SOX5: variants seen among roughly 807,000 people sequenced by gnomAD.
SOX5 encodes transcription factor SOX-5.
A neutral mutation model predicts 92.0 loss-of-function variants in SOX5; 9 were observed. The ratio of observed to expected loss-of-function variants is 0.10; its 90% CI spans 0.06 to 0.17. SOX5 has a LOEUF of 0.17. SOX5 is among the 10% of genes least tolerant of loss of function. SOX5 has a pLI of 1.00. For missense variants in SOX5, 642 were observed against 944.5 expected, an observed-to-expected ratio of 0.68 and a Z score of 4.20; for synonymous variants, 344 against 336.3, an observed-to-expected ratio of 1.02 and a Z score of -0.25.
rs544152922 is a variant in SOX5 at position 24,416,981 on chromosome 12, C to T, written c.-250-48342G>A. ...TGGCCTGTGTTTCCTCCCGCTGCATCGTAGGGGTGACTGCTCAGACCTTGG... is the reference window on the plus strand; with the variant it reads ...TGGCCTGTGTTTCCTCCCGCTGCATTGTAGGGGTGACTGCTCAGACCTTGG... On this transcript the variant is annotated intron_variant, in intron 1 of 4. Transcript: ENST00000446891. 8.7e-4 allele frequency among the ~76,000 whole-genome samples: 133 copies of T among 152,296 alleles called. 1 individual carries two copies. Among genetic ancestry groups the T allele is most frequent in the African/African-American group, 2.8e-3 (115 of 41,566 alleles).
chr12:23,853,520 G>A (rs949660044), intron 2 of SOX5, among the ~76,000 whole-genome samples: 2 of 149,710 alleles, frequency 1.3e-5, no homozygotes, highest in Admixed American at 6.7e-5. Context: ...TGTAGATGCT[G>A]CATGGGCAAA....
chr12:24,418,685 T>G (rs1965427951), intron 1 of SOX5, among the ~76,000 whole-genome samples: 1 of 152,230 alleles, frequency 6.6e-6, no homozygotes, highest in Admixed American at 6.5e-5. Flanking sequence ...ATCTTTAATG[T>G]CTGGTTATGT....
upstream of SOX5, chr12:23,949,847 TTAAAGG>T: frequency 2.1e-6 from 1 of 468,458 alleles, no homozygotes; most frequent in Non-Finnish European, 3.8e-6. Context: ...GACCAGTCTC[TTAAAGG>T]GGTAGTGCAC....
chr12:24,263,667 T>TA (rs1942588661), intron 3 of SOX5, among the ~76,000 whole-genome samples: 1 of 151,580 alleles, frequency 6.6e-6, no homozygotes, highest in Non-Finnish European at 1.5e-5. Flanking sequence ...ATCGTTAAAA[T>TA]AAAAAAATAG....
chr12:24,384,527 G>C (rs928524592), intron 1 of SOX5, among the ~76,000 whole-genome samples: 12 of 152,146 alleles, frequency 7.9e-5, no homozygotes, highest in African/African-American at 2.7e-4. Context: ...AAAGTGAAAA[G>C]GTGAAAATTC....
chr12:23,533,303 G>C lies in SOX5; in HGVS notation c.*916C>G. The C allele has an allele frequency of 2.7e-6, 1 of 364,316 alleles. No homozygotes were observed. The highest frequency in any genetic ancestry group is 5.8e-6 in the Non-Finnish European group (1 of 172,808). 22.6% of individuals were successfully genotyped at this position (364,316 alleles called of 1,614,324 possible). On this transcript the variant is annotated 3_prime_UTR_variant, in exon 15 of 15. Coordinates refer to ENST00000451604, the MANE Select transcript of SOX5 (RefSeq NM_006940.6). ...AAATATTTTTCTCTAAATTTCTTAT[G>C]TCTCTCTCTCTCTCTCTCTTTTCAC...
rs577440350 is a variant in SOX5 at position 23,930,279 on chromosome 12, TAGC to T, written c.38+19282_38+19284del. On this transcript the variant is annotated intron_variant, in intron 1 of 14. Coordinates refer to ENST00000451604, the MANE Select transcript of SOX5 (RefSeq NM_006940.6). ...AACCCATTTAAAATTTACCTGAATG[TAGC>T]AATTTGGCTAGGTTATTTTTTGCTC... is the stretch of plus-strand genomic sequence containing the variant. Among the ~76,000 whole-genome samples the T allele has an allele frequency of 3.7e-4, 56 of 151,982 alleles. No individual in the cohort carries two copies. In the South Asian group the frequency reaches 0.011, roughly 29 times the overall value.
intron 2 of SOX5, among the ~76,000 whole-genome samples, chr12:24,299,537 A>T (rs1457438174): frequency 1.3e-5 from 2 of 152,190 alleles, no homozygotes; most frequent in African/African-American, 4.8e-5. Flanking sequence ...CTTATTGTCT[A>T]TTGTTTAACA....
intron 4 of SOX5, among the ~76,000 whole-genome samples, chr12:24,209,042 G>A (rs745621760): frequency 1.3e-5 from 2 of 152,260 alleles, no homozygotes; most frequent in Admixed American, 6.5e-5. Context: ...TGTACATGAA[G>A]GGAGTGGTAG....
At chr12:23,588,784 G>A (rs900825245) in intron 9 of SOX5, among the ~76,000 whole-genome samples, 6 of 151,728 alleles carry the variant, frequency 4.0e-5, no homozygotes, top group Non-Finnish European at 7.4e-5. Context: ...GTCATGTACT[G>A]TATAGGAACA....
chr12:23,703,347 C>T (rs2090931077), intron 6 of SOX5, among the ~76,000 whole-genome samples: 1 of 151,924 alleles, frequency 6.6e-6, no homozygotes, highest in South Asian at 2.1e-4. Context: ...TGTTAATAAC[C>T]ATATGTTAGT....
chr12:23,641,201 C>G (rs1161347095), intron 7 of SOX5, among the ~76,000 whole-genome samples: 1 of 142,562 alleles, frequency 7.0e-6, no homozygotes, highest in East Asian at 1.9e-4. Flanking sequence ...CACGCGCGTG[C>G]ACACACACAC....
At chr12:24,330,672 A>G (rs553028376) in intron 2 of SOX5, among the ~76,000 whole-genome samples, 1 of 152,348 alleles carries the variant, frequency 6.6e-6, no homozygotes, top group South Asian at 2.1e-4. Context: ...TCAAACCTCT[A>G]TCTTTGGAAA....
chr12:24,014,067 C>T (rs973716349), intron 4 of SOX5, among the ~76,000 whole-genome samples: 12 of 152,142 alleles, frequency 7.9e-5, no homozygotes, highest in African/African-American at 2.7e-4. Context: ...GAGAACCCTT[C>T]GTGACTTGTA....
chr12:24,162,356 C>T (rs1322629470), intron 4 of SOX5, among the ~76,000 whole-genome samples: 2 of 152,050 alleles, frequency 1.3e-5, no homozygotes, highest in African/African-American at 4.8e-5. Flanking sequence ...TATCCAAAGT[C>T]ATCCTCATAA....
chr12:24,099,277 G>T (rs777547125), intron 4 of SOX5, among the ~76,000 whole-genome samples: 9 of 152,044 alleles, frequency 5.9e-5, no homozygotes, highest in Non-Finnish European at 1.3e-4. Flanking sequence ...TTTTAGGCCG[G>T]GATTCTTGAG....
chr12:23,734,478 G>A (rs2093512676), intron 6 of SOX5, among the ~76,000 whole-genome samples: 1 of 152,100 alleles, frequency 6.6e-6, no homozygotes, highest in Non-Finnish European at 1.5e-5. Flanking sequence ...CTGTTAGCTT[G>A]CTTAGATTGA....
At chr12:24,097,945 T>A (rs1593138059) in intron 4 of SOX5, among the ~76,000 whole-genome samples, 1 of 151,662 alleles carries the variant, frequency 6.6e-6, no homozygotes, top group Non-Finnish European at 1.5e-5. Flanking sequence ...ACTGTTACAA[T>A]TTTTTCAGAG....
intron 3 of SOX5, among the ~76,000 whole-genome samples, chr12:24,250,732 A>T (rs1371760103): frequency 6.6e-6 from 1 of 152,236 alleles, no homozygotes; most frequent in Non-Finnish European, 1.5e-5. Flanking sequence ...AAGTAAGTTC[A>T]TTAAGAAAGA....
Sources: gnomAD v4.1 joint callset for allele counts (sites outside exome capture counted in the v4.1 genomes callset) on GRCh38, gnomAD v4.1.1 for gene constraint, MANE v1.5 for transcripts, NCBI Gene and HGNC (gene_info 2026-07-23, HGNC 2026-07-21) for gene names.